UTY: variants seen among roughly 807,000 people sequenced by gnomAD.
The protein encoded by UTY is ubiquitously transcribed tetratricopeptide repeat containing, Y-linked.
UTY carries 12 observed loss-of-function variants against 32.5 expected under a neutral mutation model. That is an observed-to-expected ratio of 0.37 (90% confidence interval 0.24 to 0.60). UTY has a LOEUF of 0.60. Among genes scored for constraint, UTY ranks in the 20% least tolerant of loss-of-function variants. The pLI is 0.69. For missense variants in UTY, 303 were observed against 299.2 expected, an observed-to-expected ratio of 1.01 and a Z score of -0.09; for synonymous variants, 131 against 103.4, an observed-to-expected ratio of 1.27 and a Z score of -1.62.
intron 3 of UTY, among the ~76,000 whole-genome samples, chrY:13,460,757 A>G (rs2077278364): frequency 3.0e-5 from 1 of 33,172 alleles, no homozygotes; most frequent in Non-Finnish European, 7.4e-5. Flanking sequence ...AAAGGAAACA[A>G]AATTTTAGTA....
chrY:13,372,913 T>C (rs1603443598), intron 8 of UTY, among the ~76,000 whole-genome samples: 5 of 33,309 alleles, frequency 1.5e-4, no homozygotes, highest in African/African-American at 3.5e-4. Flanking sequence ...ATGAAGGCCG[T>C]GGAGAAATTT....
At chrY:13,293,774 A>G (rs2057884601) in intron 27 of UTY, among the ~76,000 whole-genome samples, 1 of 33,342 alleles carries the variant, frequency 3.0e-5, no homozygotes, top group Non-Finnish European at 7.4e-5. Context: ...AATCAACTGC[A>G]CTTTATATAG....
chrY:13,282,917 T>C, intron 27 of UTY, among the ~76,000 whole-genome samples: 1 of 34,176 alleles, frequency 2.9e-5, no homozygotes, highest in African/African-American at 1.1e-4. Context: ...GGGAAAGAAA[T>C]TGCCTGGGTG....
intron 6 of UTY, among the ~76,000 whole-genome samples, chrY:13,405,746 TA>T (rs2069828890): frequency 3.1e-5 from 1 of 32,603 alleles, no homozygotes; most frequent in Non-Finnish European, 7.6e-5. Flanking sequence ...ATTTTAATAT[TA>T]AAAAAATTCT....
At chrY:13,338,391 G>C in intron 17 of UTY, among the ~76,000 whole-genome samples, 2 of 28,095 alleles carry the variant, frequency 7.1e-5, no homozygotes, top group Non-Finnish European at 1.7e-4. Context: ...TGTGCCTGTA[G>C]TCCCAGCTAC....
intron 27 of UTY, among the ~76,000 whole-genome samples, chrY:13,284,381 G>A (rs2057225192): frequency 5.9e-5 from 2 of 33,931 alleles, no homozygotes; most frequent in African/African-American, 2.3e-4. Context: ...AATTCTGTGT[G>A]TAACCATATT....
At chrY:13,373,572 A>T (rs1028637086) in intron 8 of UTY, among the ~76,000 whole-genome samples, 1 of 33,237 alleles carries the variant, frequency 3.0e-5, no homozygotes, top group Admixed American at 2.7e-4. Context: ...GTGCCACATA[A>T]CAAGACCCCA....
At chrY:13,423,573 T>C (rs2072892480) in intron 4 of UTY, among the ~76,000 whole-genome samples, 1 of 33,510 alleles carries the variant, frequency 3.0e-5, no homozygotes, top group South Asian at 6.6e-4. Context: ...CAGGGTATTT[T>C]AGGCAAGGCC....
chrY:13,275,728 G>A, intron 27 of UTY, among the ~76,000 whole-genome samples: 1 of 32,951 alleles, frequency 3.0e-5, no homozygotes, highest in East Asian at 7.8e-4. Context: ...TCTCTCTCAG[G>A]GCAATTACAA....
chrY:13,326,189 A>G lies in UTY; in HGVS notation c.2964+32T>C. 3 of 391,443 alleles carry G rather than the reference A, an allele frequency of 7.7e-6. No homozygotes were observed. The African/African-American group carries it at 1.9e-4, about 25-fold the overall frequency. The stretch of plus-strand genomic sequence containing the variant: ...CAAGACACATTAGTTCAGACTCTCG[A>G]TTTATTTATAAGTTACTCAATGCGG... On this transcript the variant is annotated intron_variant, in intron 19 of 29. Coordinates refer to ENST00000545955, the MANE Select transcript of UTY (RefSeq NM_001258249.2).
chrY:13,257,835 G>A, intron 28 of UTY, among the ~76,000 whole-genome samples: 1 of 32,472 alleles, frequency 3.1e-5, no homozygotes, highest in Non-Finnish European at 7.5e-5. Context: ...AGCAACACCC[G>A]TCGAACACAG....
intron 17 of UTY, among the ~76,000 whole-genome samples, chrY:13,346,742 T>A: frequency 3.0e-5 from 1 of 33,309 alleles, no homozygotes; most frequent in Admixed American, 2.7e-4. Flanking sequence ...AATGGGAAGC[T>A]TTATAGACAA....
chrY:13,384,493 ACT>A (rs2066492295), intron 8 of UTY, among the ~76,000 whole-genome samples: 1 of 31,713 alleles, frequency 3.2e-5, no homozygotes, highest in African/African-American at 1.2e-4. Flanking sequence ...TGAAATCCTG[ACT>A]CTACTAAAAA....
At chrY:13,276,042 T>G in intron 27 of UTY, among the ~76,000 whole-genome samples, 1 of 32,773 alleles carries the variant, frequency 3.1e-5, no homozygotes, top group East Asian at 8.1e-4. Context: ...GTCAGGAGTT[T>G]TGAGCCCTGT....
intron 2 of UTY, among the ~76,000 whole-genome samples, chrY:13,477,266 T>TGGATGGGTTAATGTCATAGTGAGG (rs2079156455): frequency 3.0e-5 from 1 of 32,879 alleles, no homozygotes; most frequent in Non-Finnish European, 7.4e-5. Context: ...GCTGCTCTCA[T>TGGATGGGTTAATGTCATAGTGAGG]GGATGGGTTA....
At chrY:13,287,826 C>T in intron 27 of UTY, among the ~76,000 whole-genome samples, 2 of 32,450 alleles carry the variant, frequency 6.2e-5, no homozygotes, top group African/African-American at 2.4e-4. Flanking sequence ...ATCCCTTAAA[C>T]CCAAGGTAGA....
At chrY:13,315,676 A>AAACT (rs2059445367) in intron 21 of UTY, among the ~76,000 whole-genome samples, 1 of 33,116 alleles carries the variant, frequency 3.0e-5, no homozygotes, top group Non-Finnish European at 7.5e-5. Flanking sequence ...CTGTAAAAGG[A>AAACT]AACTATCTTA....
intron 4 of UTY, among the ~76,000 whole-genome samples, chrY:13,441,045 T>C: frequency 6.1e-5 from 2 of 32,754 alleles, no homozygotes; most frequent in East Asian, 1.6e-3. Flanking sequence ...AATTGGGCAA[T>C]AGGCACTGAA....
At chrY:13,328,216 A>C in intron 18 of UTY, among the ~76,000 whole-genome samples, 2 of 33,598 alleles carry the variant, frequency 6.0e-5, no homozygotes, top group African/African-American at 2.3e-4. Context: ...GACAAGAACG[A>C]AACTCTGTCT....
Sources: allele counts gnomAD v4.1 joint callset (sites outside exome capture counted in the v4.1 genomes callset), GRCh38; gene constraint gnomAD v4.1.1; transcripts MANE v1.5; gene names NCBI Gene and HGNC (gene_info 2026-07-23, HGNC 2026-07-21).